CFAP54: variants seen among roughly 807,000 people sequenced by gnomAD.
CFAP54 encodes cilia- and flagella-associated protein 54.
In CFAP54, 290 loss-of-function variants were observed where a neutral mutation model predicts 370.4. That is an observed-to-expected ratio of 0.78 (90% confidence interval 0.71 to 0.86). The LOEUF (loss-of-function observed/expected upper bound fraction) is 0.86. Among genes scored for constraint, CFAP54 ranks in the 40% least tolerant of loss-of-function variants. The pLI, the probability that CFAP54 is intolerant of heterozygous loss-of-function variation, is 0.00. For missense variants in CFAP54, 3,399 were observed against 3,528.7 expected (o/e 0.96, Z 0.93); for synonymous variants, 1,206 against 1,236.5 (o/e 0.98, Z 0.52).
intron 63 of CFAP54, among the ~76,000 whole-genome samples, chr12:96,793,055 A>AT (rs1412016406): frequency 6.6e-6 from 1 of 151,796 alleles, no homozygotes; most frequent in Non-Finnish European, 1.5e-5. Context: ...AAATTTTATT[A>AT]TTTTTTAATT....
Position 96,589,548 on chromosome 12 carries a change from C to A in CFAP54, c.3197C>A (p.Thr1066Asn). The A allele has an allele frequency of 6.9e-7, 1 of 1,451,620 alleles. No individual in the cohort carries two copies. The highest frequency in any genetic ancestry group is 9.3e-7 in the Non-Finnish European group (1 of 1,073,876). The allele number at this position is 1,451,620 out of a possible 1,614,324, so 89.9% of individuals were successfully genotyped here. A position where few individuals can be genotyped will look rare whatever the true frequency, so the allele number is the denominator to read the frequency against. Residue 1066 changes from threonine (T) to asparagine (N), a missense_variant, in exon 23 of 68, where the codon ACT (threonine) becomes AAT (asparagine). Around this residue, in one of 3 missense-constraint regions of CFAP54, gnomAD observed 2,796 missense variants for 2,869.7 expected, o/e 0.97. Coordinates refer to ENST00000524981, the MANE Select transcript of CFAP54 (RefSeq NM_001306084.2). ...QSVICLSNII[T>N]ITQRRLHSDI... is the part of the protein sequence containing the mutation. The stretch of plus-strand genomic sequence containing the variant: ...GTTATTTGTTTAAGCAATATAATTA[C>A]TATTACACAAAGAAGGTAATTAGAA...
intron 40 of CFAP54, among the ~76,000 whole-genome samples, chr12:96,681,184 G>T (rs1381060659): frequency 1.3e-5 from 2 of 151,930 alleles, no homozygotes; most frequent in Non-Finnish European, 2.9e-5. Flanking sequence ...CCTAGGAATG[G>T]TTTATACCAA....
intron 5 of CFAP54, among the ~76,000 whole-genome samples, chr12:96,515,309 C>T (rs1330648427): frequency 6.6e-6 from 1 of 151,878 alleles, no homozygotes; most frequent in Non-Finnish European, 1.5e-5. Flanking sequence ...GGTGCCTGGC[C>T]CAAAATGAGT....
intron 64 of CFAP54, among the ~76,000 whole-genome samples, chr12:96,812,592 T>TA (rs1413502238): frequency 1.3e-5 from 2 of 152,258 alleles, no homozygotes. Flanking sequence ...TTGTCAGGAC[T>TA]AAGATAGACA....
intron 38 of CFAP54, among the ~76,000 whole-genome samples, chr12:96,659,915 G>A (rs1956973248): frequency 6.6e-6 from 1 of 152,188 alleles, no homozygotes; most frequent in Non-Finnish European, 1.5e-5. Flanking sequence ...CTTGCCTCCT[G>A]CATATTCTGT....
chr12:96,658,015 A>G lies in CFAP54; in HGVS notation c.5234A>G (p.Asp1745Gly). The G allele has an allele frequency of 6.2e-7, 1 of 1,613,962 alleles. No individual in the cohort carries two copies. The highest frequency in any genetic ancestry group is 8.5e-7 in the Non-Finnish European group (1 of 1,179,898). ...VNVVDLKWIHDFVLKSLEVLY... is the reference protein window; with the variant it reads ...VNVVDLKWIHGFVLKSLEVLY... The stretch of plus-strand genomic sequence containing the variant: ...GTGGTTGATTTGAAATGGATCCACG[A>G]CTTTGTATTAAAATCTCTGGAAGTT... Residue 1745 changes from aspartate (D) to glycine (G), a missense_variant, in exon 37 of 68, where the codon GAC (aspartate) becomes GGC (glycine). Asp to Gly is a moderately conservative substitution (Grantham distance 94). Around this residue, in one of 3 missense-constraint regions of CFAP54, gnomAD observed 2,796 missense variants for 2,869.7 expected, o/e 0.97. Transcript: ENST00000524981.
chr12:96,724,957 C>T (rs1239771109), intron 50 of CFAP54, among the ~76,000 whole-genome samples: 2 of 152,180 alleles, frequency 1.3e-5, no homozygotes, highest in Non-Finnish European at 2.9e-5. Context: ...GCTTGTTTTT[C>T]TCAGGTTTGT....
chr12:96,743,561 T>C lies in CFAP54; in HGVS notation c.7377+2T>C, dbSNP rs1454508400. On this transcript the variant is annotated splice_donor_variant, in intron 53 of 67. Coordinates refer to ENST00000524981, the MANE Select transcript of CFAP54 (RefSeq NM_001306084.2). LOFTEE classifies it high-confidence loss of function. ...GCAGACATCATGACAAACCTTCAGG[T>C]AGAAAGGAAACTTTGTTCGTATTTA... The C allele has an allele frequency of 7.4e-6, 12 of 1,613,672 alleles. No individual in the cohort carries two copies. The highest frequency in any genetic ancestry group is 1.0e-5 in the Non-Finnish European group (12 of 1,179,904).
intron 19 of CFAP54, among the ~76,000 whole-genome samples, chr12:96,569,664 C>T (rs1049123288): frequency 6.6e-6 from 1 of 152,148 alleles, no homozygotes; most frequent in Non-Finnish European, 1.5e-5. Context: ...TCAACAATTC[C>T]AAATTCCACT....
rs71068829 is a variant in CFAP54, at chr12:96,738,608, C to CTTTTTTTT, written c.6966-1334_6966-1327dup. Among the ~76,000 whole-genome samples, 5 of 129,220 alleles carry CTTTTTTTT rather than the reference C, an allele frequency of 3.9e-5. 1 individual carries two copies. The highest frequency in any genetic ancestry group is 1.2e-4 in the African/African-American group (4 of 32,706). The allele number at this position is 129,220 out of a possible 152,430, so 84.8% of individuals were successfully genotyped here. ...CCAAGCACGTCTATGTCTAAATCTC[C>CTTTTTTTT]TTTTTTTTTTTTTTTTTTTTTGAAA... On this transcript the variant is annotated intron_variant, in intron 50 of 67. Coordinates refer to ENST00000524981, the MANE Select transcript of CFAP54 (RefSeq NM_001306084.2).
rs967802587 is a variant in CFAP54, at chr12:96,818,132, C to T, written c.9096+219C>T. Among the ~76,000 whole-genome samples the T allele has an allele frequency of 1.4e-4, 21 of 152,168 alleles. 1 individual carries two copies. Among genetic ancestry groups the T allele is most frequent in the Non-Finnish European group, 3.1e-4 (21 of 68,038 alleles). ...TTACAAGAATTTGATGGTGAATGAA[C>T]ACAAACGAATCCAGATAAATCGTTC... On this transcript the variant is annotated intron_variant, in intron 65 of 67. Coordinates refer to ENST00000524981, the MANE Select transcript of CFAP54 (RefSeq NM_001306084.2).
intron 66 of CFAP54, among the ~76,000 whole-genome samples, chr12:96,850,728 G>GCTGGGGAGGCCT (rs372422528): frequency 0.011 from 1,710 of 152,264 alleles, 79 homozygotes; most frequent in East Asian, 0.1. Flanking sequence ...GTTCTGCATG[G>GCTGGGGAGGCCT]CAGGAAACTT....
chr12:96,853,960 G>A (rs557369760), intron 66 of CFAP54, among the ~76,000 whole-genome samples: 6 of 151,588 alleles, frequency 4.0e-5, no homozygotes, highest in African/African-American at 1.2e-4. Context: ...AAATTATGTC[G>A]TGAAGATAAC....
intron 19 of CFAP54, among the ~76,000 whole-genome samples, chr12:96,570,297 CAA>C (rs1565899810): frequency 6.6e-6 from 1 of 150,588 alleles, no homozygotes; most frequent in Admixed American, 6.6e-5. Context: ...ATTGTGTGCT[CAA>C]GTCTTTTTTT....
At chr12:96,538,279 T>G in intron 12 of CFAP54, 105 bp from the exon 13 acceptor site, 1 of 971,760 alleles carries the variant, frequency 1.0e-6, no homozygotes, top group Non-Finnish European at 1.5e-6. Flanking sequence ...AGATTCAACA[T>G]GTTAGTATTT....
rs942590940 is a variant in CFAP54, at chr12:96,580,987, C to T, written c.2957C>T (p.Ala986Val). 2.6e-6 allele frequency: 4 copies of T among 1,533,566 alleles called. No homozygotes were observed. Among genetic ancestry groups the T allele is most frequent in the African/African-American group, 2.7e-5 (2 of 72,846 alleles). The allele number at this position is 1,533,566 out of a possible 1,614,324, so 95.0% of individuals were successfully genotyped here. Reference protein sequence around the residue: ...GLETNEKYVFAVAAYSNNGKL... With the variant: ...GLETNEKYVFVVAAYSNNGKL... ...GAAACCAATGAAAAGTATGTATTTG[C>T]AGTTGCTGCCTATTCTAACAACGGA... The change falls in exon 22 of 68, where the codon GCA (alanine) becomes GTA (valine). Residue 986 changes from alanine to valine, a missense_variant. Ala to Val is a moderately conservative substitution (Grantham distance 64). This residue lies in a region of CFAP54 where 2,796 missense variants were observed against 2,869.7 expected (regional missense o/e 0.97). Transcript: ENST00000524981.
At chr12:96,683,829 T>C (rs1243334491) in intron 40 of CFAP54, among the ~76,000 whole-genome samples, 1 of 151,736 alleles carries the variant, frequency 6.6e-6, no homozygotes, top group Non-Finnish European at 1.5e-5. Context: ...TCTCACTCTG[T>C]TGCCCAGGCT....
chr12:96,682,001 T>G (rs1957279131), intron 40 of CFAP54: 1 of 217,304 alleles, frequency 4.6e-6, no homozygotes, highest in Non-Finnish European at 7.8e-6. Context: ...GGAAATAGTG[T>G]CCCTCAAACT....
At position 96,667,922 on chromosome 12, in the gene CFAP54, T is replaced by C. The variant is rs530091212; in HGVS notation, c.5563+3990T>C. On this transcript the variant is annotated intron_variant, in intron 39 of 67. Transcript: ENST00000524981. ...CTTCTGCCAGATACACTAAATCATCTCTCAAGTTCAAAGTTCCACAGATCT... is the reference window on the plus strand; with the variant it reads ...CTTCTGCCAGATACACTAAATCATCCCTCAAGTTCAAAGTTCCACAGATCT... 1.2e-3 allele frequency among the ~76,000 whole-genome samples: 178 copies of C among 152,290 alleles called. 2 individuals carry two copies. The highest frequency in any genetic ancestry group is 4.0e-3 in the African/African-American group (165 of 41,552).
Sources: gnomAD v4.1 joint callset for allele counts (sites outside exome capture counted in the v4.1 genomes callset) on GRCh38, gnomAD v4.1.1 for gene constraint, gnomAD v4.1.1 regional missense constraint, MANE v1.5 for transcripts, NCBI Gene and HGNC (gene_info 2026-07-23, HGNC 2026-07-21) for gene names.